Variants in DKC1 observed in about 807,000 individuals in gnomAD.
The protein encoded by DKC1 is dyskerin pseudouridine synthase 1.
In DKC1, 4 loss-of-function variants were observed where a neutral mutation model predicts 46.7. The ratio of observed to expected loss-of-function variants is 0.09; its 90% CI spans 0.04 to 0.20. The LOEUF (loss-of-function observed/expected upper bound fraction) is 0.20, where lower values mean the gene tolerates loss of function less well. DKC1 is among the 10% of genes least tolerant of loss of function. The pLI is 1.00. For synonymous variants in DKC1, 141 were observed against 142.4 expected (o/e 0.99, Z 0.07); for missense variants, 171 against 404.2 (o/e 0.42, Z 4.95).
chrX:154,772,857 A>G (rs1337275623), intron 10 of DKC1, among the ~76,000 whole-genome samples: 1 of 111,959 alleles, frequency 8.9e-6, no homozygotes, highest in Non-Finnish European at 1.9e-5. Flanking sequence ...TGCCGTTCTT[A>G]TAGACGTCTT....
chrX:154,772,525 C>T (rs1391909905), intron 10 of DKC1, among the ~76,000 whole-genome samples: 1 of 112,211 alleles, frequency 8.9e-6, no homozygotes, highest in Non-Finnish European at 1.9e-5. Context: ...TAATGTGATT[C>T]CTCCAGGTTT....
chrX:154,773,857 C>T (rs1406415296), intron 11 of DKC1, among the ~76,000 whole-genome samples: 1 of 112,156 alleles, frequency 8.9e-6, no homozygotes, highest in Non-Finnish European at 1.9e-5. Flanking sequence ...AGAGGGGCTC[C>T]TCACTTCCCA....
rs1414989462 is a variant in DKC1 at position 154,777,375 on chromosome X, C to T, written c.*508C>T. 7.8e-6 allele frequency: 1 copy of T among 128,767 alleles called. No homozygotes were observed. The highest frequency in any genetic ancestry group is 2.3e-4 in the East Asian group (1 of 4,272). 10.6% of individuals were successfully genotyped at this position (128,767 alleles called of 1,213,427 possible). A position where few individuals can be genotyped will look rare whatever the true frequency, so the allele number is the denominator to read the frequency against. ...TGTCTGGGTTATAGGCCTGATGGGC[C>T]TGGTAGTTTTCCATCTTGTTCTGGC... On this transcript the variant is annotated 3_prime_UTR_variant, in exon 15 of 15. Transcript: ENST00000369550.
intron 10 of DKC1, among the ~76,000 whole-genome samples, 183 bp downstream of exon 10, chrX:154,771,062 T>G (rs2071817446): frequency 9.0e-6 from 1 of 111,445 alleles, no homozygotes; most frequent in Non-Finnish European, 1.9e-5. Context: ...TATTTTACTG[T>G]TAGTTATTTA....
chrX:154,774,146 TCA>T (rs1431174556), intron 11 of DKC1, among the ~76,000 whole-genome samples: 5 of 112,234 alleles, frequency 4.5e-5, no homozygotes, highest in African/African-American at 1.6e-4. Flanking sequence ...ACTCACGTAA[TCA>T]CACAGTGGAA....
At chrX:154,773,530 C>G (rs1232172273) in intron 11 of DKC1, among the ~76,000 whole-genome samples, 1 of 108,991 alleles carries the variant, frequency 9.2e-6, no homozygotes, top group Non-Finnish European at 1.9e-5. Flanking sequence ...CTTCAAGCAT[C>G]TGTTTAACAA....
At chrX:154,764,835 A>G (rs1275542009) in intron 1 of DKC1, 64 bp from the exon 2 acceptor site, 1 of 918,499 alleles carries the variant, frequency 1.1e-6, no homozygotes, top group Admixed American at 2.2e-5. Flanking sequence ...TTCGGTCTTT[A>G]TTTTAAACCC....
chrX:154,774,821 G>C (rs1557265469), intron 12 of DKC1, 116 bp downstream of exon 12: 1 of 649,249 alleles, frequency 1.5e-6, no homozygotes, highest in South Asian at 2.3e-5. Flanking sequence ...TTGCCATCTG[G>C]ACGCAGGAGT....
Position 154,768,082 on chromosome X carries a change from C to A in DKC1, c.641-220C>A. On this transcript the variant is annotated intron_variant, in intron 7 of 14. Coordinates refer to ENST00000369550, the MANE Select transcript of DKC1 (RefSeq NM_001363.5). ...AGCCAGGATGGTCTTGATCTCCTGACGTCGTGATCCACCCGCCTCTGCCTC... is the reference window on the plus strand; with the variant it reads ...AGCCAGGATGGTCTTGATCTCCTGAAGTCGTGATCCACCCGCCTCTGCCTC... 5 of 414,283 alleles carry A rather than the reference C, an allele frequency of 1.2e-5. No individual in the cohort carries two copies. In the South Asian group the frequency reaches 1.6e-4, roughly 13 times the overall value. 34.1% of individuals were successfully genotyped at this position (414,283 alleles called of 1,213,427 possible). A position where few individuals can be genotyped will look rare whatever the true frequency, so the allele number is the denominator to read the frequency against.
intron 1 of DKC1, among the ~76,000 whole-genome samples, 164 bp from the exon 2 acceptor site, chrX:154,764,735 A>C (rs2071724680): frequency 8.9e-6 from 1 of 111,833 alleles, no homozygotes; most frequent in African/African-American, 3.3e-5. Flanking sequence ...TATGGGGGCC[A>C]CCATCACATA....
intron 7 of DKC1, 150 bp downstream of exon 7, chrX:154,767,532 G>A: frequency 1.8e-5 from 12 of 684,173 alleles, no homozygotes; most frequent in Non-Finnish European, 2.5e-5. Flanking sequence ...GTTATCTTTT[G>A]TTGAAAAAGT....
rs201613883 is a variant in DKC1 at position 154,772,719 on chromosome X, C to T, written c.1037-412C>T. On this transcript the variant is annotated intron_variant, in intron 10 of 14. Transcript: ENST00000369550. ...ATTCATTTAATGGGTCTAATTTGTACCAGAAGTAAGCATGTCATCAGGATT... is the reference window on the plus strand; with the variant it reads ...ATTCATTTAATGGGTCTAATTTGTATCAGAAGTAAGCATGTCATCAGGATT... Among the ~76,000 whole-genome samples the T allele has an allele frequency of 5.4e-5, 6 of 112,111 alleles. No homozygotes were observed. In the East Asian group the frequency reaches 1.4e-3, roughly 26 times the overall value.
rs782031046 is a variant in DKC1 at position 154,770,611 on chromosome X, C to T, written c.916-148C>T. ...AGTGAGGTGGCTCTTCTGAGTACCA[C>T]TCATGCCCCTTGCAGCTAGTGGGCT... On this transcript the variant is annotated intron_variant, in intron 9 of 14. Coordinates refer to ENST00000369550, the MANE Select transcript of DKC1 (RefSeq NM_001363.5). 2.0e-3 allele frequency: 1,419 copies of T among 726,678 alleles called. 16 individuals are homozygous for T. In the African/African-American group the frequency reaches 0.027, roughly 14 times the overall value. The allele number at this position is 726,678 out of a possible 1,213,427, so 59.9% of individuals were successfully genotyped here.
At position 154,770,717 on chromosome X, in the gene DKC1, G is replaced by A. The variant is rs1210496229; in HGVS notation, c.916-42G>A. On this transcript the variant is annotated intron_variant, in intron 9 of 14. Transcript: ENST00000369550. ...TACTCTGGTGTGGGAGTGGGGTGGAGGGCAGCAGCTGGGCCCCTTACACTT... is the reference window on the plus strand; with the variant it reads ...TACTCTGGTGTGGGAGTGGGGTGGAAGGCAGCAGCTGGGCCCCTTACACTT... 4.1e-6 allele frequency: 5 copies of A among 1,206,531 alleles called. No individual in the cohort carries two copies. The Admixed American group carries it at 8.8e-5, about 21-fold the overall frequency.
Position 154,776,902 on chromosome X carries a change from C to T in DKC1, c.*35C>T. The T allele has an allele frequency of 9.1e-7, 1 of 1,093,378 alleles. No homozygotes were observed. The highest frequency in any genetic ancestry group is 1.2e-6 in the Non-Finnish European group (1 of 800,198). The allele number at this position is 1,093,378 out of a possible 1,213,427, so 90.1% of individuals were successfully genotyped here. ...CTTGAAGCTGGAGGAGAAACTAAAGCCTTATTGAGAAAACATGTTATAGAT... is the reference window on the plus strand; with the variant it reads ...CTTGAAGCTGGAGGAGAAACTAAAGTCTTATTGAGAAAACATGTTATAGAT... On this transcript the variant is annotated 3_prime_UTR_variant, in exon 15 of 15. Coordinates refer to ENST00000369550, the MANE Select transcript of DKC1 (RefSeq NM_001363.5).
chrX:154,776,949 G>A lies in DKC1; in HGVS notation c.*82G>A, dbSNP rs2071907794. ...AGATCCTTTTGTTGCTGAGAGAGTGGAACATAGGTCCTAGACAGGGTGAAG... is the reference window on the plus strand; with the variant it reads ...AGATCCTTTTGTTGCTGAGAGAGTGAAACATAGGTCCTAGACAGGGTGAAG... On this transcript the variant is annotated 3_prime_UTR_variant, in exon 15 of 15. Coordinates refer to ENST00000369550, the MANE Select transcript of DKC1 (RefSeq NM_001363.5). 1.2e-6 allele frequency: 1 copy of A among 854,019 alleles called. No individual in the cohort carries two copies. The highest frequency in any genetic ancestry group is 1.7e-6 in the Non-Finnish European group (1 of 594,645). The allele number at this position is 854,019 out of a possible 1,213,427, so 70.4% of individuals were successfully genotyped here.
intron 1 of DKC1, 88 bp downstream of exon 1, chrX:154,763,069 T>G (rs1294129190): frequency 2.9e-6 from 3 of 1,032,302 alleles, no homozygotes; most frequent in Middle Eastern, 2.6e-4. Context: ...CGCGCACGCC[T>G]CCCTCTGGTT....
chrX:154,776,629 A>G (rs1304923654), intron 14 of DKC1, among the ~76,000 whole-genome samples, 170 bp from the exon 15 acceptor site: 1 of 112,174 alleles, frequency 8.9e-6, no homozygotes, highest in Non-Finnish European at 1.9e-5. Flanking sequence ...CTAGGGTGTC[A>G]CTGAAAGGTT....
At chrX:154,764,425 T>C (rs926593882) in intron 1 of DKC1, among the ~76,000 whole-genome samples, 11 of 110,074 alleles carry the variant, frequency 1.0e-4, no homozygotes, top group Non-Finnish European at 2.1e-4. Flanking sequence ...TATAAAAATA[T>C]ATTTTTCTTC....
Sources: gnomAD v4.1 joint callset for allele counts (sites outside exome capture counted in the v4.1 genomes callset) on GRCh38, gnomAD v4.1.1 for gene constraint, MANE v1.5 for transcripts, NCBI Gene and HGNC (gene_info 2026-07-23, HGNC 2026-07-21) for gene names.